The following PDZRN3 variants were observed in gnomAD, a reference collection of about 807,000 sequenced individuals.
PDZRN3 encodes E3 ubiquitin-protein ligase PDZRN3.
A neutral mutation model predicts 85.7 loss-of-function variants in PDZRN3; 38 were observed. The ratio of observed to expected loss-of-function variants is 0.44; its 90% CI spans 0.34 to 0.58. PDZRN3 has a LOEUF of 0.58. Ranked by LOEUF, PDZRN3 falls within the 20% of genes least tolerant of loss-of-function variation. The pLI is 0.01. For synonymous variants in PDZRN3, 759 were observed against 638.0 expected (o/e 1.19, Z -2.86); for missense variants, 1,629 against 1,506.4 (o/e 1.08, Z -1.35).
At chr3:73,552,379 ATTAACT>A (rs1271123667) in intron 3 of PDZRN3, among the ~76,000 whole-genome samples, 1 of 152,188 alleles carries the variant, frequency 6.6e-6, no homozygotes, top group Admixed American at 6.5e-5. Context: ...TGTCTTCATG[ATTAACT>A]TTAAATGGAT....
intron 1 of PDZRN3, among the ~76,000 whole-genome samples, chr3:73,615,754 A>T (rs182216586): frequency 8.5e-5 from 13 of 152,306 alleles, no homozygotes; most frequent in Admixed American, 8.5e-4. Context: ...ACAGCAGCCT[A>T]AATGCACTAA....
intron 3 of PDZRN3, among the ~76,000 whole-genome samples, chr3:73,440,432 C>A (rs1369887538): frequency 6.6e-6 from 1 of 152,174 alleles, no homozygotes; most frequent in African/African-American, 2.4e-5. Context: ...ACAGGCATCC[C>A]TGCCCTAGGC....
At chr3:73,528,158 G>A (rs978300128) in intron 3 of PDZRN3, among the ~76,000 whole-genome samples, 1 of 152,188 alleles carries the variant, frequency 6.6e-6, no homozygotes, top group African/African-American at 2.4e-5. Flanking sequence ...TGACGTGGTT[G>A]CCTTGGATCT....
chr3:73,390,337 C>T (rs1701495550), intron 6 of PDZRN3, among the ~76,000 whole-genome samples: 1 of 151,914 alleles, frequency 6.6e-6, no homozygotes, highest in African/African-American at 2.4e-5. Context: ...AGGGATGTCC[C>T]CAAATGCAGA....
intron 3 of PDZRN3, among the ~76,000 whole-genome samples, chr3:73,550,859 G>C (rs541693835): frequency 2.3e-4 from 35 of 152,354 alleles, no homozygotes; most frequent in African/African-American, 8.2e-4. Context: ...GTTGGAACAA[G>C]GGTCATACAG....
At chr3:73,563,538 T>G (rs1315635393) in intron 3 of PDZRN3, among the ~76,000 whole-genome samples, 1 of 152,208 alleles carries the variant, frequency 6.6e-6, no homozygotes, top group Non-Finnish European at 1.5e-5. Context: ...CTACTTTCTA[T>G]GGCTACTATT....
intron 3 of PDZRN3, among the ~76,000 whole-genome samples, chr3:73,501,488 C>T (rs571916324): frequency 6.9e-4 from 105 of 152,330 alleles, no homozygotes; most frequent in African/African-American, 1.6e-3. Flanking sequence ...CGACTGCAGA[C>T]GACTCCTAAC....
At chr3:73,615,745 C>G (rs546647729) in intron 1 of PDZRN3, among the ~76,000 whole-genome samples, 1 of 152,178 alleles carries the variant, frequency 6.6e-6, no homozygotes, top group African/African-American at 2.4e-5. Flanking sequence ...ATTTTTGTTA[C>G]AGCAGCCTAA....
chr3:73,548,254 G>A (rs74795512), intron 3 of PDZRN3, among the ~76,000 whole-genome samples: 3,604 of 152,286 alleles, frequency 0.024, 85 homozygotes, highest in Non-Finnish European at 0.036. Context: ...GGGGTCTGTG[G>A]CTTTCTCTGA....
intron 3 of PDZRN3, chr3:73,474,503 G>A: frequency 7.8e-7 from 1 of 1,288,328 alleles, no homozygotes; most frequent in Non-Finnish European, 1.0e-6. Flanking sequence ...TAAATTTACT[G>A]AACAATAAGA....
rs889391867 is a variant in PDZRN3 at position 73,556,528 on chromosome 3, G to A, written c.918+45826C>T. Among the ~76,000 whole-genome samples, 6 of 152,188 alleles carry A rather than the reference G, an allele frequency of 3.9e-5. No homozygotes were observed. The East Asian group carries it at 5.8e-4, about 15-fold the overall frequency. On this transcript the variant is annotated intron_variant, in intron 3 of 9. Transcript: ENST00000263666. Reference sequence around the variant, plus strand: ...ATCTTTTCCTTTGATGAATTTTTACGGTGGACTTTAGGATGCCAGGTACAG... The same window carrying A: ...ATCTTTTCCTTTGATGAATTTTTACAGTGGACTTTAGGATGCCAGGTACAG...
chr3:73,584,379 G>T (rs1317850119), intron 3 of PDZRN3, among the ~76,000 whole-genome samples: 1 of 151,928 alleles, frequency 6.6e-6, no homozygotes, highest in Non-Finnish European at 1.5e-5. Context: ...AGTTGAACTT[G>T]AGTGCTAAAA....
intron 3 of PDZRN3, among the ~76,000 whole-genome samples, chr3:73,470,562 T>C (rs1165872386): frequency 6.6e-6 from 1 of 152,202 alleles, no homozygotes; most frequent in Non-Finnish European, 1.5e-5. Flanking sequence ...TTCCAAAGCC[T>C]AATGCTCCCC....
At chr3:73,457,546 C>T (rs537541673) in intron 3 of PDZRN3, among the ~76,000 whole-genome samples, 2 of 152,168 alleles carry the variant, frequency 1.3e-5, no homozygotes, top group South Asian at 4.1e-4. Context: ...GTTCCATGTG[C>T]CCCCTGGATT....
Position 73,384,626 on chromosome 3 carries a change from C to A in PDZRN3, c.1940G>T (p.Arg647Leu), listed in dbSNP as rs548431230. The A allele has an allele frequency of 3.1e-6, 5 of 1,613,822 alleles. No individual in the cohort carries two copies. The Admixed American group carries it at 6.7e-5, about 22-fold the overall frequency. The change falls in exon 10 of 10, where the codon CGC becomes CTC. Residue 647 changes from arginine (R) to leucine (L), a missense_variant. Physicochemically the swap from Arg to Leu is moderately radical, Grantham distance 102 (BLOSUM62 -2). Coordinates refer to ENST00000263666, the MANE Select transcript of PDZRN3 (RefSeq NM_015009.3). ...CTGGCACTTGAGCTCCAGGAGCTCG[C>A]GGAAGCGCTCGCACTCGTCCACCGG... ...GIPVDECERFRELLELKCQVK... is the reference protein window; with the variant it reads ...GIPVDECERFLELLELKCQVK...
chr3:73,452,084 G>C (rs1282932448), intron 3 of PDZRN3, among the ~76,000 whole-genome samples: 1 of 152,142 alleles, frequency 6.6e-6, no homozygotes, highest in African/African-American at 2.4e-5. Context: ...AATTAGCTCA[G>C]CTGGTTAGAC....
At chr3:73,437,364 G>T (rs1346429831) in intron 3 of PDZRN3, among the ~76,000 whole-genome samples, 2 of 152,182 alleles carry the variant, frequency 1.3e-5, no homozygotes, top group Admixed American at 6.5e-5. Context: ...GATATGTCAT[G>T]TAACCGCTAG....
chr3:73,383,556 T>C lies in PDZRN3; in HGVS notation c.3010A>G (p.Lys1004Glu). Reference sequence around the variant, plus strand: ...CTGTCATCGGCTGCTTGCTGCTCCTTGAGACAATCCAACCTGCTCTGCATC... The same window carrying C: ...CTGTCATCGGCTGCTTGCTGCTCCTCGAGACAATCCAACCTGCTCTGCATC... ...FMMQSRLDCLKEQQAADDRKE... is the reference protein window; with the variant it reads ...FMMQSRLDCLEEQQAADDRKE... Residue 1004 changes from lysine (K) to glutamate (E), a missense_variant, in exon 10 of 10, where the codon AAG (lysine) becomes GAG (glutamate). Lys to Glu is a moderately conservative substitution (Grantham distance 56). Coordinates refer to ENST00000263666, the MANE Select transcript of PDZRN3 (RefSeq NM_015009.3). The C allele has an allele frequency of 6.2e-7, 1 of 1,613,114 alleles. No individual in the cohort carries two copies. The highest frequency in any genetic ancestry group is 8.5e-7 in the Non-Finnish European group (1 of 1,179,072).
intron 3 of PDZRN3, among the ~76,000 whole-genome samples, chr3:73,431,590 T>C (rs1350837617): frequency 2.0e-5 from 3 of 152,244 alleles, no homozygotes; most frequent in Admixed American, 6.5e-5. Context: ...AATTCCTTTA[T>C]GCTACGGTTC....
Sources: allele counts gnomAD v4.1 joint callset (sites outside exome capture counted in the v4.1 genomes callset), GRCh38; gene constraint gnomAD v4.1.1; transcripts MANE v1.5; gene names NCBI Gene and HGNC (gene_info 2026-07-23, HGNC 2026-07-21).